PITPNM2: variants seen among roughly 807,000 people sequenced by gnomAD.
PITPNM2 encodes the protein phosphatidylinositol transfer protein membrane associated 2.
A neutral mutation model predicts 132.2 loss-of-function variants in PITPNM2; 35 were observed. That is an observed-to-expected ratio of 0.26 (90% CI 0.20 to 0.35). The LOEUF is 0.35. Ranked by LOEUF, PITPNM2 falls within the 10% of genes least tolerant of loss-of-function variation. PITPNM2 has a pLI of 1.00. For missense variants in PITPNM2, 1,332 were observed against 1,912.0 expected (o/e 0.70, Z 5.66); for synonymous variants, 738 against 799.2 (o/e 0.92, Z 1.29).
rs751554672 is a variant in PITPNM2, at chr12:123,001,037, C to A, written c.1153+17G>T. 3.1e-6 allele frequency: 5 copies of A among 1,608,110 alleles called. No individual in the cohort carries two copies. The African/African-American group carries it at 6.7e-5, about 21-fold the overall frequency. ...ACCGCCCTCCCCAGGCTCTGCAGCA[C>A]CCCCAGACCTGCTGACCTTGTGTGT... is the stretch of plus-strand genomic sequence containing the variant. On this transcript the variant is annotated intron_variant, in intron 9 of 25. Transcript: ENST00000320201.
Position 123,034,534 on chromosome 12 carries a change from G to A in PITPNM2, c.57C>T (p.Ile19=), listed in dbSNP as rs151121431. 8.2e-5 allele frequency: 132 copies of A among 1,614,160 alleles called. No individual in the cohort carries two copies. The African/African-American group carries it at 1.6e-3, about 19-fold the overall frequency. ...CCACCTGTATCATGTACAGCTGGGC[G>A]ATGCGGTACTCCTCCACGGTCATTG... The part of the protein sequence containing the change: ...PLPMTVEEYR[I]AQLYMIQKKS... The change falls in exon 3 of 26, where the codon ATC becomes ATT. Residue 19 remains isoleucine, a synonymous_variant. Transcript: ENST00000320201.
At chr12:123,074,054 T>G (rs1021123172) in intron 2 of PITPNM2, among the ~76,000 whole-genome samples, 1 of 152,176 alleles carries the variant, frequency 6.6e-6, no homozygotes, top group African/African-American at 2.4e-5. Flanking sequence ...GCAGGTTGCA[T>G]GTATAACTAA....
chr12:123,001,301 TC>T, intron 8 of PITPNM2, 143 bp from the exon 9 acceptor site: 1 of 630,132 alleles, frequency 1.6e-6, no homozygotes, highest in Non-Finnish European at 2.9e-6. Flanking sequence ...TTGGGCATCT[TC>T]CTGACCATTA....
chr12:122,987,452 C>T (rs373744770), intron 22 of PITPNM2, 22 bp from the exon 23 acceptor site: 70 of 1,613,056 alleles, frequency 4.3e-5, no homozygotes, highest in Non-Finnish European at 5.6e-5. Context: ...TGGGGGTGCT[C>T]ATCAGAACCA....
chr12:123,125,477 T>C (rs920198317), intron 1 of PITPNM2, among the ~76,000 whole-genome samples: 30 of 152,306 alleles, frequency 2.0e-4, no homozygotes, highest in Admixed American at 1.2e-3. Flanking sequence ...TTTTTAAAAT[T>C]TCAATTCTAA....
chr12:123,088,882 T>G (rs1276395662), intron 2 of PITPNM2: 1 of 152,244 alleles, frequency 6.6e-6, no homozygotes, highest in African/African-American at 2.4e-5. Flanking sequence ...TTTGCACTCA[T>G]GTTGCTGCCT....
rs977794580 is a variant in PITPNM2, at chr12:123,106,421, A to G, written c.-96+3964T>C. Among the ~76,000 whole-genome samples, 2 of 151,976 alleles carry G rather than the reference A, an allele frequency of 1.3e-5. No individual in the cohort carries two copies. The highest frequency in any genetic ancestry group is 6.5e-5 in the Admixed American group (1 of 15,276). ...GTAAATAATTCCTTTAAAAAAAAAA[A>G]CAGGAAGAAAAGAAAGTACATTCTC... On this transcript the variant is annotated intron_variant, in intron 2 of 25. Transcript: ENST00000320201. The surrounding 1 kb of genome is among the most constrained non-coding windows in gnomAD (Gnocchi z 4.4).
chr12:123,028,475 T>C (rs1393410187), intron 3 of PITPNM2, among the ~76,000 whole-genome samples: 1 of 152,222 alleles, frequency 6.6e-6, no homozygotes, highest in Non-Finnish European at 1.5e-5. Context: ...CCTATCCATC[T>C]TGGGAGGCCA....
chr12:123,105,600 C>T (rs1566295714), intron 2 of PITPNM2: 1 of 152,212 alleles, frequency 6.6e-6, no homozygotes, highest in Non-Finnish European at 1.5e-5. Flanking sequence ...CCAGAAAGCT[C>T]CTGCTGACGA....
At position 122,997,458 on chromosome 12, in the gene PITPNM2, C is replaced by T. The variant is rs142319238; in HGVS notation, c.1339G>A (p.Gly447Ser). 10 of 1,613,576 alleles carry T rather than the reference C, an allele frequency of 6.2e-6. No individual in the cohort carries two copies. The African/African-American group carries it at 1.1e-4, about 17-fold the overall frequency. The change falls in exon 11 of 26, where the codon GGC becomes AGC. Residue 447 changes from glycine (G) to serine (S), a missense_variant. Gly to Ser is a moderately conservative substitution (Grantham distance 56). Transcript: ENST00000320201. ...TGAGDPSSKK[G>S]DANTIANVFD... ...ACGTTGGCGATGGTGTTAGCATCGC[C>T]CTTCTTGGAGCTGGGGTCCCCGGCG...
chr12:123,151,110 G>A (rs1437905732), upstream of PITPNM2, among the ~76,000 whole-genome samples: 1 of 146,278 alleles, frequency 6.8e-6, no homozygotes, highest in African/African-American at 2.4e-5. Flanking sequence ...CGCCGGGCCG[G>A]GCTCGCATTC....
intron 2 of PITPNM2, among the ~76,000 whole-genome samples, chr12:123,103,046 C>T (rs2137249874): frequency 6.6e-6 from 1 of 152,334 alleles, no homozygotes; most frequent in Middle Eastern, 3.4e-3. Context: ...ACCTCAGCCT[C>T]CTGAGTAGCT....
At chr12:123,013,727 G>T in intron 4 of PITPNM2, 101 bp downstream of exon 4, 1 of 1,328,892 alleles carries the variant, frequency 7.5e-7, no homozygotes, top group Admixed American at 2.0e-5. Context: ...TGTTGAACCT[G>T]CTTGAAGGCT....
intron 1 of PITPNM2, among the ~76,000 whole-genome samples, chr12:123,130,196 C>A (rs187314926): frequency 6.6e-6 from 1 of 152,254 alleles, no homozygotes; most frequent in African/African-American, 2.4e-5. Context: ...TCATGCTAAT[C>A]CCAGAGGGCT....
Position 123,022,151 on chromosome 12 carries a change from G to A in PITPNM2, c.79-8109C>T, listed in dbSNP as rs555388588. Among the ~76,000 whole-genome samples the A allele has an allele frequency of 3.3e-5, 5 of 152,276 alleles. No individual in the cohort carries two copies. Among genetic ancestry groups the A allele is most frequent in the South Asian group, 4.1e-4 (2 of 4,820 alleles). Reference sequence around the variant, plus strand: ...GGCTCCCGGTACAGCCAAGAGGTGCGGGGAAGGGCGGTGAGGAGGGGCCAG... The same window carrying A: ...GGCTCCCGGTACAGCCAAGAGGTGCAGGGAAGGGCGGTGAGGAGGGGCCAG... On this transcript the variant is annotated intron_variant, in intron 3 of 25. Coordinates refer to ENST00000320201, the MANE Select transcript of PITPNM2 (RefSeq NM_020845.3). This position sits in a 1 kb window ranked among gnomAD's most constrained non-coding sequence, Gnocchi z 4.9.
In PITPNM2 at chr12:123,064,251, C is replaced by G. The variant is rs1373366160; in HGVS notation, c.-95-29566G>C. Reference sequence around the variant, plus strand: ...CCCACTCCAAATTGGAAAATGGAAACCAAGAGAGCGACAGGGACTTGGTCA... The same window carrying G: ...CCCACTCCAAATTGGAAAATGGAAAGCAAGAGAGCGACAGGGACTTGGTCA... On this transcript the variant is annotated intron_variant, in intron 2 of 25. Coordinates refer to ENST00000320201, the MANE Select transcript of PITPNM2 (RefSeq NM_020845.3). This position sits in a 1 kb window ranked among gnomAD's most constrained non-coding sequence, Gnocchi z 4.0. 1.3e-5 allele frequency among the ~76,000 whole-genome samples: 2 copies of G among 152,182 alleles called. No homozygotes were observed. Among genetic ancestry groups the G allele is most frequent in the Non-Finnish European group, 2.9e-5 (2 of 68,030 alleles).
rs1056748099 is a variant in PITPNM2, at chr12:123,058,594, C to T, written c.-95-23909G>A. ...TTCCCTGCTGTCATTCTTGTTGTTC[C>T]CTGTTTGCGGTCCTCAGCTCCAAAG... On this transcript the variant is annotated intron_variant, in intron 2 of 25. Coordinates refer to ENST00000320201, the MANE Select transcript of PITPNM2 (RefSeq NM_020845.3). This position sits in a 1 kb window ranked among gnomAD's most constrained non-coding sequence, Gnocchi z 4.0. 2.0e-5 allele frequency among the ~76,000 whole-genome samples: 3 copies of T among 152,188 alleles called. No individual in the cohort carries two copies. The highest frequency in any genetic ancestry group is 7.2e-5 in the African/African-American group (3 of 41,442).
intron 2 of PITPNM2, chr12:123,088,548 G>C (rs984914400): frequency 1.3e-5 from 2 of 152,366 alleles, no homozygotes; most frequent in African/African-American, 4.8e-5. Flanking sequence ...GGGGGTGGCA[G>C]GAGGGTGGTG....
At chr12:123,070,592 C>T (rs2041594560) in intron 2 of PITPNM2, among the ~76,000 whole-genome samples, 1 of 152,230 alleles carries the variant, frequency 6.6e-6, no homozygotes, top group South Asian at 2.1e-4. Context: ...CCCAGCTCCA[C>T]TGGCTGCCCT....
Sources: gnomAD v4.1 joint callset for allele counts (sites outside exome capture counted in the v4.1 genomes callset) on GRCh38, gnomAD v4.1.1 for gene constraint, Gnocchi (gnomAD v3.1) non-coding constraint, MANE v1.5 for transcripts, NCBI Gene and HGNC (gene_info 2026-07-23, HGNC 2026-07-21) for gene names.